The following HHLA2 variants were observed in gnomAD, a reference collection of about 807,000 sequenced individuals.
HHLA2 encodes HHLA2 member of B7 family, also known as HERV-H LTR-associating protein 2.
Under a neutral mutation model 45.9 loss-of-function variants are expected in HHLA2, and 48 were observed. The ratio of observed to expected loss-of-function variants is 1.05; its 90% confidence interval spans 0.83 to 1.33. The LOEUF (loss-of-function observed/expected upper bound fraction) is 1.33, where lower values mean the gene tolerates loss of function less well. Ranked by LOEUF, HHLA2 falls within the 40% of genes most tolerant of loss-of-function variation. The probability of loss-of-function intolerance (pLI) is 0.00; values close to 1 mark genes in which losing one functional copy is unlikely to be tolerated. For missense variants in HHLA2, 462 were observed against 494.3 expected (o/e 0.93, Z 0.62); for synonymous variants, 161 against 173.9 (o/e 0.93, Z 0.59).
intron 1 of HHLA2, among the ~76,000 whole-genome samples, chr3:108,304,039 TTGG>T (rs1303171066): frequency 1.3e-5 from 2 of 152,130 alleles, no homozygotes; most frequent in Non-Finnish European, 2.9e-5. Context: ...TATCATTTAG[TTGG>T]TGGTGTGTAT....
intron 10 of HHLA2, chr3:108,376,994 G>T (rs962393312): frequency 7.0e-6 from 3 of 426,196 alleles, no homozygotes; most frequent in Admixed American, 8.0e-5. Flanking sequence ...ATTAATCAGA[G>T]TATAAATAAG....
intron 3 of HHLA2, among the ~76,000 whole-genome samples, chr3:108,335,397 A>G (rs1019632278): frequency 6.6e-6 from 1 of 152,166 alleles, no homozygotes; most frequent in Non-Finnish European, 1.5e-5. Flanking sequence ...CAGGATAACA[A>G]CTACCACTGA....
intron 3 of HHLA2, among the ~76,000 whole-genome samples, chr3:108,348,811 CT>C (rs1304933549): frequency 1.3e-5 from 2 of 151,922 alleles, no homozygotes; most frequent in East Asian, 3.9e-4. Context: ...CCCCCACCCC[CT>C]GACAGGCCCC....
At chr3:108,308,871 A>G (rs1180109801) in intron 1 of HHLA2, among the ~76,000 whole-genome samples, 2 of 152,062 alleles carry the variant, frequency 1.3e-5, no homozygotes, top group African/African-American at 2.4e-5. Flanking sequence ...ATTTTTTCCT[A>G]TAGAGTTATT....
chr3:108,336,217 T>G (rs893395907), intron 3 of HHLA2, among the ~76,000 whole-genome samples: 5 of 152,298 alleles, frequency 3.3e-5, no homozygotes, highest in African/African-American at 7.2e-5. Context: ...CTTATGACAT[T>G]GTGCAATGGT....
chr3:108,321,277 T>A (rs2081197341), intron 2 of HHLA2, among the ~76,000 whole-genome samples: 1 of 152,118 alleles, frequency 6.6e-6, no homozygotes, highest in Admixed American at 6.6e-5. Context: ...ACTAATTTTC[T>A]GTATCACGTT....
At chr3:108,370,548 G>A (rs1157372256) in intron 8 of HHLA2, among the ~76,000 whole-genome samples, 31 of 152,014 alleles carry the variant, frequency 2.0e-4, no homozygotes, top group East Asian at 1.9e-4. Flanking sequence ...GAGGAAGTTC[G>A]AACCCATGGC....
rs777334460 is a variant in HHLA2 at position 108,353,603 on chromosome 3, T to C, written c.241T>C (p.Leu81=). ...CAGTTACTACAAAGGCAGTGACCAT[T>C]TGGAAAGCCAAGATCCCAGATATGC... is the stretch of plus-strand genomic sequence containing the variant. Residue 81 remains leucine (L), a synonymous_variant, in exon 5 of 11, where the codon TTG becomes CTG. Transcript: ENST00000619531. 5 of 1,613,638 alleles carry C rather than the reference T, an allele frequency of 3.1e-6. No individual in the cohort carries two copies. The Admixed American group carries it at 6.7e-5, about 22-fold the overall frequency.
intron 2 of HHLA2, among the ~76,000 whole-genome samples, chr3:108,328,030 G>A (rs764630786): frequency 2.0e-5 from 3 of 152,222 alleles, no homozygotes; most frequent in African/African-American, 4.8e-5. Context: ...CTACTTGGGA[G>A]GCTGAGGCAG....
Position 108,377,247 on chromosome 3 carries a change from C to T in HHLA2, c.1225-11C>T, listed in dbSNP as rs559616330. The stretch of plus-strand genomic sequence containing the variant: ...CAACAGACATTTAGAGTCTATTTTT[C>T]TTGCTTCTAGCCTCTTTCAGGAAAA... On this transcript the variant is annotated splice_polypyrimidine_tract_variant and intron_variant, in intron 10 of 10. Transcript: ENST00000619531. The T allele has an allele frequency of 2.1e-5, 32 of 1,517,278 alleles. No homozygotes were observed. The highest frequency in any genetic ancestry group is 2.7e-5 in the Non-Finnish European group (30 of 1,095,896). 94.0% of individuals were successfully genotyped at this position (1,517,278 alleles called of 1,614,324 possible).
chr3:108,327,811 T>C lies in HHLA2; in HGVS notation c.-104-459T>C, dbSNP rs566170977. ...TTTCTTGTCTCTGAGTGCCTGGCTA[T>C]TTTTTACTGTGTGTCATTGTATTTG... On this transcript the variant is annotated intron_variant, in intron 2 of 10. Transcript: ENST00000619531. 1.7e-3 allele frequency among the ~76,000 whole-genome samples: 261 copies of C among 152,296 alleles called. 1 individual carries two copies. Among genetic ancestry groups the C allele is most frequent in the Non-Finnish European group, 2.8e-3 (191 of 68,024 alleles).
chr3:108,315,234 A>G (rs1030016047), intron 2 of HHLA2, among the ~76,000 whole-genome samples: 18 of 152,188 alleles, frequency 1.2e-4, no homozygotes, highest in African/African-American at 4.3e-4. Flanking sequence ...ATATTCCATA[A>G]AAGTGCTGTG....
At chr3:108,311,462 G>A (rs1415910491) in intron 2 of HHLA2, among the ~76,000 whole-genome samples, 1 of 152,144 alleles carries the variant, frequency 6.6e-6, no homozygotes, top group Non-Finnish European at 1.5e-5. Flanking sequence ...AAATTCAAGT[G>A]AGAGGAGCAT....
chr3:108,303,759 C>T (rs936731121), intron 1 of HHLA2, among the ~76,000 whole-genome samples: 3 of 151,938 alleles, frequency 2.0e-5, no homozygotes, highest in Non-Finnish European at 4.4e-5. Flanking sequence ...TTATTTTGCC[C>T]AGTTAGTGGC....
intron 3 of HHLA2, among the ~76,000 whole-genome samples, chr3:108,341,937 C>T (rs2081577363): frequency 6.6e-6 from 1 of 152,198 alleles, no homozygotes; most frequent in Non-Finnish European, 1.5e-5. Flanking sequence ...CAAATCAATG[C>T]TCTGAAAGTA....
intron 1 of HHLA2, among the ~76,000 whole-genome samples, chr3:108,305,653 G>T (rs1029524709): frequency 6.6e-6 from 1 of 152,070 alleles, no homozygotes; most frequent in Non-Finnish European, 1.5e-5. Context: ...TACATGCCTG[G>T]TTGGCTCAGC....
chr3:108,340,644 TC>T (rs2081548572), intron 3 of HHLA2, among the ~76,000 whole-genome samples: 1 of 152,298 alleles, frequency 6.6e-6, no homozygotes, highest in Non-Finnish European at 1.5e-5. Flanking sequence ...TTTTATACTC[TC>T]CCTTCTTTAG....
rs1046128556 is a variant in HHLA2, at chr3:108,340,617, A to G, written c.-26-11171A>G. ...TCAAGTTCTCTGCATTTGAAAGTCT[A>G]TATACCAAATTAAAGCTTTTATACT... On this transcript the variant is annotated intron_variant, in intron 3 of 10. Coordinates refer to ENST00000619531, the Ensembl canonical transcript of HHLA2. 3.6e-4 allele frequency among the ~76,000 whole-genome samples: 55 copies of G among 152,336 alleles called. 1 individual carries two copies. The highest frequency in any genetic ancestry group is 3.1e-3 in the Admixed American group (48 of 15,308).
intron 8 of HHLA2, among the ~76,000 whole-genome samples, chr3:108,368,312 ATAAC>A (rs2082101093): frequency 6.6e-6 from 1 of 151,980 alleles, no homozygotes; most frequent in South Asian, 2.1e-4. Flanking sequence ...AATGTGCAAA[ATAAC>A]TAGCCAGCAT....
Sources: allele counts gnomAD v4.1 joint callset (sites outside exome capture counted in the v4.1 genomes callset), GRCh38; gene constraint gnomAD v4.1.1; transcripts MANE v1.5; gene names NCBI Gene and HGNC (gene_info 2026-07-23, HGNC 2026-07-21).